L3MBTL4: variants seen among roughly 807,000 people sequenced by gnomAD.
L3MBTL4 encodes lethal(3)malignant brain tumor-like protein 4.
A neutral mutation model predicts 84.5 loss-of-function variants in L3MBTL4; 70 were observed. The observed-to-expected ratio is 0.83, with a 90% CI of 0.68 to 1.01. The LOEUF (loss-of-function observed/expected upper bound fraction) is 1.01. L3MBTL4 is among the 50% of genes least tolerant of loss of function. The pLI is 0.00. For synonymous variants in L3MBTL4, 274 were observed against 259.8 expected, an observed-to-expected ratio of 1.05 and a Z score of -0.52; for missense variants, 715 against 754.8, an observed-to-expected ratio of 0.95 and a Z score of 0.62.
chr18:6,284,505 G>A (rs1392832461), intron 4 of L3MBTL4, among the ~76,000 whole-genome samples: 2 of 152,290 alleles, frequency 1.3e-5, no homozygotes, highest in African/African-American at 2.4e-5. Flanking sequence ...CGGGCGAGGC[G>A]GGAGGCAGGC....
chr18:6,090,571 A>ATG (rs10645385), intron 15 of L3MBTL4, among the ~76,000 whole-genome samples: 6,905 of 149,066 alleles, frequency 0.046, 208 homozygotes, highest in South Asian at 0.1. Flanking sequence ...ATATAAATAT[A>ATG]TGTGTATATA....
chr18:6,258,926 G>C (rs2048276038), intron 5 of L3MBTL4: 1 of 152,380 alleles, frequency 6.6e-6, no homozygotes, highest in Non-Finnish European at 1.5e-5. Context: ...TGTTACGACT[G>C]CATAAATCAC....
chr18:6,126,604 A>ATT (rs2059702108), intron 14 of L3MBTL4, among the ~76,000 whole-genome samples: 1 of 151,324 alleles, frequency 6.6e-6, no homozygotes, highest in Admixed American at 6.6e-5. Flanking sequence ...AAAATTAAGC[A>ATT]TTTCATGTGC....
intron 16 of L3MBTL4, chr18:6,031,330 CA>C (rs2055789642): frequency 2.7e-5 from 27 of 985,416 alleles, no homozygotes; most frequent in Non-Finnish European, 3.3e-5. Context: ...TTTCTGGTTG[CA>C]GAGAAGATAA....
At chr18:6,396,286 T>C (rs966559911) in intron 1 of L3MBTL4, 4 of 152,276 alleles carry the variant, frequency 2.6e-5, no homozygotes, top group Admixed American at 6.5e-5. Context: ...ACCCCCGTCA[T>C]GTAGACTAGT....
chr18:6,281,134 GGGA>G (rs1292097443), intron 4 of L3MBTL4, among the ~76,000 whole-genome samples: 6 of 152,064 alleles, frequency 3.9e-5, no homozygotes, highest in African/African-American at 1.4e-4. Flanking sequence ...CTCAGTAACT[GGGA>G]AAATTGACAA....
Position 6,304,030 on chromosome 18 carries a change from C to G in L3MBTL4, c.73-2073G>C, listed in dbSNP as rs201997205. The stretch of plus-strand genomic sequence containing the variant: ...ACTCCATCTCAAAAAAAAAAAAAAA[C>G]AAAAAAAAAAGACTGCACATAGTGG... On this transcript the variant is annotated intron_variant, in intron 3 of 18. Transcript: ENST00000317931. Among the ~76,000 whole-genome samples, 3 of 133,690 alleles carry G rather than the reference C, an allele frequency of 2.2e-5. No homozygotes were observed. The Admixed American group carries it at 2.3e-4, about 10-fold the overall frequency. The allele number at this position is 133,690 out of a possible 152,430, so 87.7% of individuals were successfully genotyped here.
At chr18:5,974,110 T>A (rs1437093353) in intron 16 of L3MBTL4, among the ~76,000 whole-genome samples, 1 of 152,176 alleles carries the variant, frequency 6.6e-6, no homozygotes, top group East Asian at 1.9e-4. Flanking sequence ...TGGTTTGTCA[T>A]TGGGGGATTT....
At chr18:6,029,859 A>C (rs1362165995) in intron 16 of L3MBTL4, 1 of 985,068 alleles carries the variant, frequency 1.0e-6, no homozygotes, top group Non-Finnish European at 1.2e-6. Context: ...AGAATAGGAT[A>C]GATTCACACA....
intron 12 of L3MBTL4, among the ~76,000 whole-genome samples, chr18:6,176,797 G>T (rs891911012): frequency 2.6e-5 from 4 of 151,864 alleles, no homozygotes; most frequent in African/African-American, 9.7e-5. Context: ...TATCTGACAA[G>T]AGACTTGACA....
chr18:6,093,297 T>C, intron 15 of L3MBTL4, 58 bp downstream of exon 15: 1 of 1,319,732 alleles, frequency 7.6e-7, no homozygotes, highest in Non-Finnish European at 1.0e-6. Context: ...AACAAAATTG[T>C]TCTTTTACTA....
At chr18:5,980,619 A>G (rs1166169598) in intron 16 of L3MBTL4, among the ~76,000 whole-genome samples, 1 of 151,818 alleles carries the variant, frequency 6.6e-6, no homozygotes, top group African/African-American at 2.4e-5. Flanking sequence ...TTTAGTAGAG[A>G]AAGGATTTTG....
chr18:6,154,312 T>C (rs1274944563), intron 13 of L3MBTL4, among the ~76,000 whole-genome samples: 1 of 152,152 alleles, frequency 6.6e-6, no homozygotes, highest in Admixed American at 6.5e-5. Flanking sequence ...TTCCTAGCTT[T>C]AAAAGATAGC....
intron 14 of L3MBTL4, among the ~76,000 whole-genome samples, chr18:6,096,731 C>G (rs955815766): frequency 1.3e-5 from 2 of 152,090 alleles, no homozygotes; most frequent in Non-Finnish European, 2.9e-5. Flanking sequence ...TTGGATTTAG[C>G]CAAATATTGG....
intron 13 of L3MBTL4, among the ~76,000 whole-genome samples, chr18:6,158,496 G>A (rs190685582): frequency 9.9e-5 from 15 of 152,132 alleles, no homozygotes; most frequent in African/African-American, 2.7e-4. Context: ...AGGAATAAGC[G>A]TAGTGAATGA....
intron 12 of L3MBTL4, among the ~76,000 whole-genome samples, chr18:6,188,844 G>T (rs1316838811): frequency 6.6e-6 from 1 of 152,212 alleles, no homozygotes; most frequent in Non-Finnish European, 1.5e-5. Flanking sequence ...ATCACTAGAG[G>T]GAGTACAGGG....
intron 1 of L3MBTL4, among the ~76,000 whole-genome samples, chr18:6,377,964 C>T (rs1876874482): frequency 6.6e-6 from 1 of 152,226 alleles, no homozygotes; most frequent in South Asian, 2.1e-4. Flanking sequence ...TATTTCTCCA[C>T]ATCCTCTCCA....
chr18:6,160,351 C>A (rs1220037480), intron 13 of L3MBTL4, among the ~76,000 whole-genome samples: 1 of 152,156 alleles, frequency 6.6e-6, no homozygotes, highest in Non-Finnish European at 1.5e-5. Context: ...TGCAAGTCAG[C>A]AGTGTTACAA....
chr18:6,078,665 T>G (rs143239597), intron 16 of L3MBTL4, among the ~76,000 whole-genome samples: 2,136 of 152,258 alleles, frequency 0.014, 23 homozygotes, highest in Non-Finnish European at 0.023. Context: ...CAACCTTTAG[T>G]GGCACCAGGA....
Sources: allele counts gnomAD v4.1 joint callset (sites outside exome capture counted in the v4.1 genomes callset), GRCh38; gene constraint gnomAD v4.1.1; transcripts MANE v1.5; gene names NCBI Gene and HGNC (gene_info 2026-07-23, HGNC 2026-07-21).